Variants in GPM6A observed in about 807,000 individuals in gnomAD.
The protein encoded by GPM6A is glycoprotein M6A.
Under a neutral mutation model 32.1 loss-of-function variants are expected in GPM6A, and 7 were observed. The observed-to-expected ratio is 0.22, with a 90% CI of 0.12 to 0.41. GPM6A has a LOEUF of 0.41. Among genes scored for constraint, GPM6A ranks in the 10% least tolerant of loss-of-function variants. The pLI is 1.00. For missense variants in GPM6A, 235 were observed against 347.2 expected, an observed-to-expected ratio of 0.68 and a Z score of 2.57; for synonymous variants, 130 against 123.4, an observed-to-expected ratio of 1.05 and a Z score of -0.35.
intron 1 of GPM6A, among the ~76,000 whole-genome samples, chr4:175,740,420 C>A (rs1332100332): frequency 6.6e-6 from 1 of 151,766 alleles, no homozygotes; most frequent in African/African-American, 2.4e-5. Flanking sequence ...TTATTTAAGA[C>A]CATTAAAAGT....
chr4:175,864,719 A>C (rs1162772598), intron 1 of GPM6A, among the ~76,000 whole-genome samples: 1 of 152,180 alleles, frequency 6.6e-6, no homozygotes, highest in Non-Finnish European at 1.5e-5. Flanking sequence ...TCTTTGCCTA[A>C]TTCAAGATCA....
chr4:175,650,160 TC>T (rs2110914292), intron 4 of GPM6A, among the ~76,000 whole-genome samples: 2 of 152,188 alleles, frequency 1.3e-5, no homozygotes, highest in African/African-American at 4.8e-5. Context: ...ATTCTGCTTT[TC>T]CCCCCGTACA....
intron 1 of GPM6A, among the ~76,000 whole-genome samples, chr4:175,803,122 C>A (rs1734537912): frequency 6.6e-6 from 1 of 151,456 alleles, no homozygotes; most frequent in Non-Finnish European, 1.5e-5. Flanking sequence ...TCTTCTTTTT[C>A]TTCCCCTCCC....
chr4:175,979,337 A>C (rs1375275913), intron 1 of GPM6A, among the ~76,000 whole-genome samples: 2 of 152,194 alleles, frequency 1.3e-5, no homozygotes, highest in East Asian at 3.8e-4. Flanking sequence ...ATGAGCAAAA[A>C]CTGTCACATC....
intron 1 of GPM6A, among the ~76,000 whole-genome samples, chr4:175,772,971 G>A (rs1733251162): frequency 6.6e-6 from 1 of 152,114 alleles, no homozygotes; most frequent in Non-Finnish European, 1.5e-5. Context: ...CTTGGCCAGG[G>A]CCATTGGAAT....
chr4:175,940,309 A>G (rs542010620), intron 1 of GPM6A, among the ~76,000 whole-genome samples: 66 of 151,592 alleles, frequency 4.4e-4, no homozygotes, highest in African/African-American at 1.5e-3. Flanking sequence ...AAACTTACCT[A>G]TAGGTTTGGG....
At chr4:175,850,945 C>G (rs930632402) in intron 1 of GPM6A, among the ~76,000 whole-genome samples, 1 of 151,746 alleles carries the variant, frequency 6.6e-6, no homozygotes, top group Non-Finnish European at 1.5e-5. Context: ...ACTGATTTCC[C>G]TATCATGCAT....
chr4:175,959,780 T>G (rs888660819), intron 1 of GPM6A, among the ~76,000 whole-genome samples: 3 of 152,146 alleles, frequency 2.0e-5, no homozygotes, highest in African/African-American at 7.2e-5. Flanking sequence ...AATATAGAAA[T>G]GGCCAATCAT....
intron 1 of GPM6A, among the ~76,000 whole-genome samples, chr4:175,924,467 T>C (rs1419636686): frequency 6.6e-6 from 1 of 151,928 alleles, no homozygotes; most frequent in East Asian, 1.9e-4. Flanking sequence ...AAGTAAGGAA[T>C]ATGGGAAAGG....
At chr4:175,680,347 C>A (rs1344229262) in intron 2 of GPM6A, among the ~76,000 whole-genome samples, 8 of 152,062 alleles carry the variant, frequency 5.3e-5, no homozygotes, top group Non-Finnish European at 2.9e-5. Flanking sequence ...CACGTTTATT[C>A]TTTGGTTTAA....
chr4:175,889,611 T>C (rs1035313972), intron 1 of GPM6A, among the ~76,000 whole-genome samples: 2 of 151,422 alleles, frequency 1.3e-5, no homozygotes, highest in African/African-American at 2.4e-5. Flanking sequence ...GTCAGGAGAT[T>C]GAGGCCATTG....
chr4:175,694,002 C>T (rs1242402402), intron 2 of GPM6A, among the ~76,000 whole-genome samples: 1 of 152,124 alleles, frequency 6.6e-6, no homozygotes, highest in Non-Finnish European at 1.5e-5. Context: ...CTTGCTCCTG[C>T]TCTGGCCGTG....
chr4:175,766,745 C>G (rs1264270711), intron 1 of GPM6A, among the ~76,000 whole-genome samples: 1 of 151,140 alleles, frequency 6.6e-6, no homozygotes, highest in Non-Finnish European at 1.5e-5. Context: ...ACCTCCACCT[C>G]CCAGGTTCAA....
At chr4:175,669,737 G>A (rs1346860056) in intron 3 of GPM6A, among the ~76,000 whole-genome samples, 3 of 152,160 alleles carry the variant, frequency 2.0e-5, no homozygotes, top group Admixed American at 6.5e-5. Context: ...TCTACCACCA[G>A]TGTCTCAGAG....
chr4:175,711,437 T>C (rs931033060), intron 1 of GPM6A, among the ~76,000 whole-genome samples: 9 of 88,068 alleles, frequency 1.0e-4, no homozygotes, highest in African/African-American at 3.7e-4. Flanking sequence ...TATATATATA[T>C]ATATATATAT....
At chr4:175,868,385 C>T (rs1736805262) in intron 1 of GPM6A, among the ~76,000 whole-genome samples, 1 of 152,120 alleles carries the variant, frequency 6.6e-6, no homozygotes. Flanking sequence ...TTTGTCAGTC[C>T]TGTTTTCTAT....
At chr4:175,795,399 T>C (rs1560937192) in intron 1 of GPM6A, among the ~76,000 whole-genome samples, 1 of 152,182 alleles carries the variant, frequency 6.6e-6, no homozygotes, top group Non-Finnish European at 1.5e-5. Context: ...TTTGACTTGC[T>C]TCTAATGAAT....
At chr4:175,778,255 A>C (rs1733471342) in intron 1 of GPM6A, among the ~76,000 whole-genome samples, 1 of 152,208 alleles carries the variant, frequency 6.6e-6, no homozygotes, top group African/African-American at 2.4e-5. Context: ...TGATATTAAT[A>C]GAGTTGGGTA....
At position 175,843,752 on chromosome 4, in the gene GPM6A, T is replaced by G. The variant is rs1348457980; in HGVS notation, c.-22-31503A>C. Among the ~76,000 whole-genome samples the G allele has an allele frequency of 2.0e-5, 3 of 152,206 alleles. No homozygotes were observed. The East Asian group carries it at 5.8e-4, about 29-fold the overall frequency. On this transcript the variant is annotated intron_variant, in intron 1 of 7. Coordinates refer to the GPM6A transcript ENST00000280187. Reference sequence around the variant, plus strand: ...AGGCCAAAATTATGTAGCCACTTCTTGAGATAATCGCTTAGAAGCAATTTC... The same window carrying G: ...AGGCCAAAATTATGTAGCCACTTCTGGAGATAATCGCTTAGAAGCAATTTC...
Sources: allele counts gnomAD v4.1 joint callset (sites outside exome capture counted in the v4.1 genomes callset), GRCh38; gene constraint gnomAD v4.1.1; transcripts MANE v1.5; gene names NCBI Gene and HGNC (gene_info 2026-07-23, HGNC 2026-07-21).